Variants in AGBL4 observed in about 807,000 individuals in gnomAD.
AGBL4 encodes AGBL carboxypeptidase 4.
AGBL4 carries 58 observed loss-of-function variants against 66.4 expected under a neutral mutation model. The ratio of observed to expected loss-of-function variants is 0.87; its 90% CI spans 0.71 to 1.09. AGBL4 has a LOEUF of 1.09. Among genes scored for constraint, AGBL4 ranks in the 50% least tolerant of loss-of-function variants. The probability of loss-of-function intolerance (pLI) is 0.00; values close to 1 mark genes in which losing one functional copy is unlikely to be tolerated. For synonymous variants in AGBL4, 234 were observed against 222.9 expected, an observed-to-expected ratio of 1.05 and a Z score of -0.44; for missense variants, 579 against 631.0, an observed-to-expected ratio of 0.92 and a Z score of 0.88.
intron 3 of AGBL4, among the ~76,000 whole-genome samples, chr1:49,350,110 A>T (rs1358939888): frequency 1.3e-5 from 2 of 152,160 alleles, no homozygotes; most frequent in Non-Finnish European, 2.9e-5. Context: ...GTTTACTGAT[A>T]TATGTCCACT....
chr1:48,713,996 C>T (rs1054742041), intron 6 of AGBL4, among the ~76,000 whole-genome samples: 4 of 152,164 alleles, frequency 2.6e-5, no homozygotes, highest in African/African-American at 7.2e-5. Flanking sequence ...AATGGAAGTA[C>T]GACTCATGTG....
In AGBL4 at chr1:48,624,570, T is replaced by C. The variant is rs145369246; in HGVS notation, c.951+9923A>G. Among the ~76,000 whole-genome samples, 1,162 of 152,306 alleles carry C rather than the reference T, an allele frequency of 7.6e-3. 10 individuals carry two copies. Among genetic ancestry groups the C allele is most frequent in the Admixed American group, 0.01 (154 of 15,298 alleles). The stretch of plus-strand genomic sequence containing the variant: ...GGATGCCTGTAGGAATCCAAACAAC[T>C]ACCCTCTAGAGAGACGGCATTTTGA... On this transcript the variant is annotated intron_variant, in intron 9 of 13. Coordinates refer to ENST00000371839, the MANE Select transcript of AGBL4 (RefSeq NM_032785.4).
intron 3 of AGBL4, among the ~76,000 whole-genome samples, chr1:49,247,438 T>C (rs1482552781): frequency 6.6e-6 from 1 of 152,122 alleles, no homozygotes; most frequent in East Asian, 1.9e-4. Flanking sequence ...TCATCAAGAA[T>C]GTCCAAGGCT....
At chr1:49,377,283 G>A (rs1644491115) in intron 3 of AGBL4, among the ~76,000 whole-genome samples, 1 of 152,058 alleles carries the variant, frequency 6.6e-6, no homozygotes, top group South Asian at 2.1e-4. Flanking sequence ...TGCCTTCTAT[G>A]TTCCAAGCTC....
At chr1:49,340,216 G>T in intron 3 of AGBL4, among the ~76,000 whole-genome samples, 1 of 128,048 alleles carries the variant, frequency 7.8e-6, no homozygotes. Flanking sequence ...ATTCTCTATG[G>T]AAAAAAAAAA....
chr1:49,595,383 C>T (rs1336514176), intron 3 of AGBL4, among the ~76,000 whole-genome samples: 2 of 152,124 alleles, frequency 1.3e-5, no homozygotes, highest in African/African-American at 2.4e-5. Context: ...GCCACTGCAC[C>T]TGGCCTCATT....
intron 3 of AGBL4, among the ~76,000 whole-genome samples, chr1:49,553,903 T>C (rs1393840638): frequency 6.6e-6 from 1 of 152,112 alleles, no homozygotes; most frequent in Non-Finnish European, 1.5e-5. Context: ...CTTTAGGAGG[T>C]TGAGATGGGA....
Position 49,070,777 on chromosome 1 carries a change from C to T in AGBL4, c.378-24977G>A, listed in dbSNP as rs953986437. Among the ~76,000 whole-genome samples, 14 of 151,798 alleles carry T rather than the reference C, an allele frequency of 9.2e-5. 1 individual carries two copies. The highest frequency in any genetic ancestry group is 2.4e-4 in the African/African-American group (10 of 41,160). The stretch of plus-strand genomic sequence containing the variant: ...GAGTTAGGGAGGATTCCCTCTTTTT[C>T]GGTTGATTGGAATTGTTTCAAAAGG... On this transcript the variant is annotated intron_variant, in intron 4 of 13. Coordinates refer to ENST00000371839, the MANE Select transcript of AGBL4 (RefSeq NM_032785.4).
chr1:48,828,523 G>A (rs1450698230), intron 6 of AGBL4, among the ~76,000 whole-genome samples: 2 of 152,326 alleles, frequency 1.3e-5, no homozygotes, highest in East Asian at 3.9e-4. Flanking sequence ...ACTGGTGCCA[G>A]TTCCCTGCAT....
chr1:49,568,523 A>ACACACACAC (rs56393842), intron 3 of AGBL4, among the ~76,000 whole-genome samples: 44 of 151,412 alleles, frequency 2.9e-4, no homozygotes, highest in South Asian at 6.3e-4. Flanking sequence ...ACACACACAC[A>ACACACACAC]AATGCCATGC....
intron 4 of AGBL4, among the ~76,000 whole-genome samples, chr1:49,138,547 G>T (rs941343746): frequency 6.6e-6 from 1 of 152,056 alleles, no homozygotes; most frequent in Admixed American, 6.6e-5. Flanking sequence ...TCACTGAAAT[G>T]ACTGAAAATG....
intron 5 of AGBL4, among the ~76,000 whole-genome samples, chr1:48,909,917 G>A (rs1026322799): frequency 9.9e-5 from 15 of 152,114 alleles, no homozygotes; most frequent in Non-Finnish European, 1.5e-4. Flanking sequence ...TCCATGTGGT[G>A]CATTCCTTCT....
intron 11 of AGBL4, among the ~76,000 whole-genome samples, chr1:48,551,696 T>G (rs1644251157): frequency 6.6e-6 from 1 of 152,122 alleles, no homozygotes; most frequent in Non-Finnish European, 1.5e-5. Context: ...GTAGGTTTCT[T>G]CCATGCTGTG....
At chr1:49,034,082 A>T (rs1664447982) in intron 5 of AGBL4, among the ~76,000 whole-genome samples, 1 of 151,802 alleles carries the variant, frequency 6.6e-6, no homozygotes, top group Admixed American at 6.6e-5. Flanking sequence ...ACCTAACATG[A>T]TCCTTCCCCA....
chr1:49,603,318 A>G (rs1025883455), intron 3 of AGBL4, among the ~76,000 whole-genome samples: 2 of 152,126 alleles, frequency 1.3e-5, no homozygotes, highest in African/African-American at 4.8e-5. Context: ...AAGACAAAGA[A>G]ATAAGAAAAA....
chr1:50,016,287 C>T (rs1277424400), intron 1 of AGBL4, among the ~76,000 whole-genome samples: 1 of 152,086 alleles, frequency 6.6e-6, no homozygotes, highest in Non-Finnish European at 1.5e-5. Flanking sequence ...ACAGGCTGGG[C>T]GTGGTGGCTC....
intron 3 of AGBL4, among the ~76,000 whole-genome samples, chr1:49,479,640 CT>C (rs538120456): frequency 6.2e-4 from 93 of 150,776 alleles, no homozygotes; most frequent in African/African-American, 2.2e-3. Context: ...CGATCTCTTT[CT>C]TTTTTTTATA....
At chr1:49,463,054 G>A (rs1432042592) in intron 3 of AGBL4, among the ~76,000 whole-genome samples, 1 of 151,728 alleles carries the variant, frequency 6.6e-6, no homozygotes, top group African/African-American at 2.4e-5. Flanking sequence ...AAAAAGAAAG[G>A]AAACTAATGT....
intron 1 of AGBL4, among the ~76,000 whole-genome samples, chr1:49,897,849 GC>G (rs1427034385): frequency 2.0e-5 from 3 of 151,728 alleles, no homozygotes; most frequent in Non-Finnish European, 2.9e-5. Flanking sequence ...CAACAAAGAT[GC>G]AAAGAACATA....
Sources: allele counts gnomAD v4.1 joint callset (sites outside exome capture counted in the v4.1 genomes callset), GRCh38; gene constraint gnomAD v4.1.1; transcripts MANE v1.5; gene names NCBI Gene and HGNC (gene_info 2026-07-23, HGNC 2026-07-21).